SLX4IP: variants seen among roughly 807,000 people sequenced by gnomAD.
SLX4IP encodes SLX4 interacting protein.
Under a neutral mutation model 32.9 loss-of-function variants are expected in SLX4IP, and 34 were observed. That is an observed-to-expected ratio of 1.03 (90% CI 0.79 to 1.38). The LOEUF is 1.38. Among genes scored for constraint, SLX4IP ranks in the 40% most tolerant of loss-of-function variants. The probability of loss-of-function intolerance (pLI) is 0.00; values close to 1 mark genes in which losing one functional copy is unlikely to be tolerated. For synonymous variants in SLX4IP, 172 were observed against 171.7 expected (o/e 1.00, Z -0.01); for missense variants, 444 against 479.0 (o/e 0.93, Z 0.68).
At chr20:10,581,416 A>G (rs2122526000) in intron 4 of SLX4IP, among the ~76,000 whole-genome samples, 1 of 152,308 alleles carries the variant, frequency 6.6e-6, no homozygotes, top group East Asian at 1.9e-4. Flanking sequence ...AGTGAAATGC[A>G]CAAGTCCAGG....
intron 2 of SLX4IP, among the ~76,000 whole-genome samples, chr20:10,516,412 G>A (rs1044592893): frequency 1.9e-4 from 28 of 148,764 alleles, no homozygotes; most frequent in African/African-American, 6.9e-4. Flanking sequence ...ATTGAGCAAA[G>A]CTGAGGTATG....
intron 6 of SLX4IP, among the ~76,000 whole-genome samples, chr20:10,602,555 CT>C (rs987209909): frequency 1.3e-5 from 2 of 152,120 alleles, no homozygotes; most frequent in African/African-American, 4.8e-5. Context: ...TCTACACAGA[CT>C]TTTTTTCATA....
chr20:10,585,898 A>T (rs556988194), intron 4 of SLX4IP, among the ~76,000 whole-genome samples: 3 of 152,152 alleles, frequency 2.0e-5, no homozygotes, highest in Non-Finnish European at 1.5e-5. Flanking sequence ...GCCACTGCAC[A>T]CCTTATTTCT....
chr20:10,514,469 CAGTT>C (rs1469828044), intron 2 of SLX4IP, among the ~76,000 whole-genome samples: 1 of 152,162 alleles, frequency 6.6e-6, no homozygotes, highest in Non-Finnish European at 1.5e-5. Context: ...AATCTGCAAA[CAGTT>C]AGCTTTCCTG....
intron 2 of SLX4IP, among the ~76,000 whole-genome samples, chr20:10,473,261 G>A (rs993077917): frequency 1.3e-5 from 2 of 152,144 alleles, no homozygotes; most frequent in East Asian, 3.9e-4. Context: ...GAAACCACTG[G>A]GGTCAGAAAG....
At chr20:10,595,989 G>A (rs1174074528) in intron 4 of SLX4IP, among the ~76,000 whole-genome samples, 1 of 152,144 alleles carries the variant, frequency 6.6e-6, no homozygotes, top group Non-Finnish European at 1.5e-5. Flanking sequence ...GGGGTGGGAG[G>A]TGTAGGGGTC....
chr20:10,521,218 A>G (rs534064499), intron 2 of SLX4IP, among the ~76,000 whole-genome samples: 1 of 152,278 alleles, frequency 6.6e-6, no homozygotes, highest in South Asian at 2.1e-4. Flanking sequence ...AGTGCCTGCC[A>G]GTCCACTTCT....
At chr20:10,552,004 T>C (rs1469251499) in intron 2 of SLX4IP, among the ~76,000 whole-genome samples, 1 of 152,036 alleles carries the variant, frequency 6.6e-6, no homozygotes, top group Non-Finnish European at 1.5e-5. Flanking sequence ...AAGAGAGAAG[T>C]GTGTGTGAGA....
At chr20:10,513,280 A>G (rs2065825755) in intron 2 of SLX4IP, among the ~76,000 whole-genome samples, 1 of 152,196 alleles carries the variant, frequency 6.6e-6, no homozygotes, top group African/African-American at 2.4e-5. Context: ...AGGAAACTGA[A>G]GCACAGAAGC....
chr20:10,518,469 T>TCC (rs1568720198), intron 2 of SLX4IP, among the ~76,000 whole-genome samples: 46 of 47,196 alleles, frequency 9.7e-4, no homozygotes, highest in South Asian at 4.2e-3. Flanking sequence ...CTTCCTTTCC[T>TCC]TTCTTTTCCT....
At chr20:10,450,822 G>GCTCA (rs899524325) in intron 1 of SLX4IP, among the ~76,000 whole-genome samples, 8 of 152,170 alleles carry the variant, frequency 5.3e-5, no homozygotes, top group African/African-American at 1.9e-4. Flanking sequence ...TGCGATCTCG[G>GCTCA]CTCACTGCAA....
chr20:10,464,935 G>A (rs766880386), intron 2 of SLX4IP, among the ~76,000 whole-genome samples: 2 of 151,998 alleles, frequency 1.3e-5, no homozygotes, highest in African/African-American at 4.8e-5. Context: ...GACTACAGGC[G>A]GCACTGCCAC....
chr20:10,486,184 A>AAT (rs1837939197), intron 2 of SLX4IP, among the ~76,000 whole-genome samples: 3 of 145,102 alleles, frequency 2.1e-5, no homozygotes, highest in African/African-American at 7.6e-5. Context: ...CCTTGCTTAA[A>AAT]TTTTTTTTTT....
chr20:10,594,097 T>C (rs1304394005), intron 4 of SLX4IP, among the ~76,000 whole-genome samples: 1 of 152,250 alleles, frequency 6.6e-6, no homozygotes, highest in East Asian at 1.9e-4. Context: ...CGAAGCAGTT[T>C]AGAAAATATG....
intron 2 of SLX4IP, among the ~76,000 whole-genome samples, chr20:10,535,383 G>T (rs112253955): frequency 0.026 from 3,967 of 152,214 alleles, 101 homozygotes; most frequent in Admixed American, 0.087. Context: ...GTGTAGTGGT[G>T]TGATTTTGGC....
intron 6 of SLX4IP, chr20:10,614,062 C>T: frequency 6.5e-7 from 1 of 1,535,740 alleles, no homozygotes; most frequent in Non-Finnish European, 8.9e-7. Flanking sequence ...GTGGCGTCCT[C>T]CTTGTCGCCC....
chr20:10,524,198 T>C (rs1320100061), intron 2 of SLX4IP, among the ~76,000 whole-genome samples: 1 of 152,212 alleles, frequency 6.6e-6, no homozygotes, highest in Admixed American at 6.5e-5. Context: ...GGACTGGCTG[T>C]GTCCGTTTGG....
At chr20:10,451,391 C>T (rs1035722463) in intron 1 of SLX4IP, among the ~76,000 whole-genome samples, 1 of 151,872 alleles carries the variant, frequency 6.6e-6, no homozygotes, top group Admixed American at 6.6e-5. Context: ...GAACTTTGAC[C>T]CCAAGTGATC....
chr20:10,560,880 A>G, intron 4 of SLX4IP, 60 bp downstream of exon 4: 3 of 1,438,634 alleles, frequency 2.1e-6, no homozygotes, highest in Admixed American at 2.4e-5. Context: ...CTCCGTAGAG[A>G]TGGCAATTAT....
Sources: allele counts gnomAD v4.1 joint callset (sites outside exome capture counted in the v4.1 genomes callset), GRCh38; gene constraint gnomAD v4.1.1; transcripts MANE v1.5; gene names NCBI Gene and HGNC (gene_info 2026-07-23, HGNC 2026-07-21).